PPARGC1A: variants seen among roughly 807,000 people sequenced by gnomAD.
The protein encoded by PPARGC1A is PPARG coactivator 1 alpha.
In PPARGC1A, 25 loss-of-function variants were observed where a neutral mutation model predicts 88.7. The ratio of observed to expected loss-of-function variants is 0.28; its 90% CI spans 0.21 to 0.39. PPARGC1A has a LOEUF of 0.39. Among genes scored for constraint, PPARGC1A ranks in the 10% least tolerant of loss-of-function variants. The pLI, the probability that PPARGC1A is intolerant of heterozygous loss-of-function variation, is 1.00. For synonymous variants in PPARGC1A, 363 were observed against 355.6 expected, an observed-to-expected ratio of 1.02 and a Z score of -0.24; for missense variants, 880 against 968.7, an observed-to-expected ratio of 0.91 and a Z score of 1.22.
At chr4:24,267,958 A>T in the PPARGC1A span, among the ~76,000 whole-genome samples, 1 of 152,198 alleles carries the variant, frequency 6.6e-6, no homozygotes, top group Non-Finnish European at 1.5e-5. Flanking sequence ...TTCTTAGGGG[A>T]TCAACTGTAG....
At chr4:24,081,858 G>A in the PPARGC1A span, among the ~76,000 whole-genome samples, 6 of 151,872 alleles carry the variant, frequency 4.0e-5, no homozygotes, top group East Asian at 3.9e-4. Flanking sequence ...TTTTAATCCC[G>A]GTCTTTTTGT....
At chr4:24,387,659 C>T in the PPARGC1A span, among the ~76,000 whole-genome samples, 1 of 151,282 alleles carries the variant, frequency 6.6e-6, no homozygotes, top group Non-Finnish European at 1.5e-5. Context: ...ATTGCTTGAA[C>T]CCAGGAGGTG....
the PPARGC1A span, among the ~76,000 whole-genome samples, chr4:23,965,222 C>T: frequency 2.0e-5 from 3 of 152,148 alleles, no homozygotes; most frequent in African/African-American, 7.2e-5. Context: ...CTAGAGATCA[C>T]CCATCCATAG....
At chr4:24,185,190 C>CA in the PPARGC1A span, among the ~76,000 whole-genome samples, 3 of 152,140 alleles carry the variant, frequency 2.0e-5, no homozygotes, top group Non-Finnish European at 4.4e-5. Context: ...AAATACCAGA[C>CA]AGTTCCTGAA....
In PPARGC1A at chr4:23,802,397, C is replaced by G. The variant is rs142140409; in HGVS notation, c.2020-52G>C. 93 of 1,609,838 alleles carry G rather than the reference C, an allele frequency of 5.8e-5. No individual in the cohort carries two copies. In the East Asian group the frequency reaches 2.0e-3, roughly 35 times the overall value. On this transcript the variant is annotated intron_variant, in intron 10 of 12. Coordinates refer to ENST00000264867, the MANE Select transcript of PPARGC1A (RefSeq NM_013261.5). ...CTGGAGTGGGAAAAAAGCTAGCCCT[C>G]GGCCGGGCACAGTGGCTCACACCTG...
At chr4:24,240,736 C>A in the PPARGC1A span, among the ~76,000 whole-genome samples, 1 of 152,092 alleles carries the variant, frequency 6.6e-6, no homozygotes, top group Non-Finnish European at 1.5e-5. Flanking sequence ...GTAGTTCTAG[C>A]AGAGGAATGT....
the PPARGC1A span, among the ~76,000 whole-genome samples, chr4:23,957,597 G>C: frequency 1.3e-5 from 2 of 152,006 alleles, no homozygotes; most frequent in Admixed American, 6.6e-5. Flanking sequence ...AATGTTTATT[G>C]AGTGCCTACA....
chr4:23,996,612 A>G, the PPARGC1A span, among the ~76,000 whole-genome samples: 866 of 152,242 alleles, frequency 5.7e-3, 4 homozygotes, highest in Non-Finnish European at 9.7e-3. Context: ...TCTTGAAAAC[A>G]CTTCCTAATG....
chr4:24,265,740 G>A, the PPARGC1A span, among the ~76,000 whole-genome samples: 30 of 152,122 alleles, frequency 2.0e-4, no homozygotes, highest in African/African-American at 7.0e-4. Context: ...AGTGGAAGAG[G>A]TGGTCAAAGA....
At chr4:23,823,377 A>C (rs1382191305) in intron 7 of PPARGC1A, among the ~76,000 whole-genome samples, 1 of 152,018 alleles carries the variant, frequency 6.6e-6, no homozygotes, top group African/African-American at 2.4e-5. Context: ...AGTAAAAAAT[A>C]AGCTTAAGGT....
chr4:24,430,726 G>A, the PPARGC1A span, among the ~76,000 whole-genome samples: 4 of 152,156 alleles, frequency 2.6e-5, no homozygotes, highest in African/African-American at 9.6e-5. Flanking sequence ...GGTGAAAGGG[G>A]AACTGAACTA....
the PPARGC1A span, among the ~76,000 whole-genome samples, chr4:24,201,579 C>T: frequency 1.3e-5 from 2 of 152,244 alleles, no homozygotes; most frequent in African/African-American, 2.4e-5. Context: ...AACACTCACT[C>T]TGTCCCTTCT....
intron 10 of PPARGC1A, among the ~76,000 whole-genome samples, chr4:23,807,774 A>C (rs1324544908): frequency 6.6e-6 from 1 of 151,792 alleles, no homozygotes; most frequent in East Asian, 1.9e-4. Context: ...TGTGTGAATA[A>C]CATGAAATCT....
the PPARGC1A span, among the ~76,000 whole-genome samples, chr4:23,917,337 A>G: frequency 6.6e-6 from 1 of 151,636 alleles, no homozygotes; most frequent in East Asian, 1.9e-4. Context: ...CCTTGCTATT[A>G]GGAACCACAT....
chr4:23,824,366 G>A lies in PPARGC1A; in HGVS notation c.804-13C>T, dbSNP rs763099973. 4.3e-5 allele frequency: 69 copies of A among 1,612,414 alleles called. No individual in the cohort carries two copies. Among genetic ancestry groups the A allele is most frequent in the Non-Finnish European group, 5.6e-5 (66 of 1,178,884 alleles). On this transcript the variant is annotated splice_polypyrimidine_tract_variant and intron_variant, in intron 6 of 12. Coordinates refer to ENST00000264867, the MANE Select transcript of PPARGC1A (RefSeq NM_013261.5). Reference sequence around the variant, plus strand: ...ACCCTTGGGGTCACTGGAAGATATGGCACATTTATAAAAACAAACTGAAAT... The same window carrying A: ...ACCCTTGGGGTCACTGGAAGATATGACACATTTATAAAAACAAACTGAAAT...
chr4:24,330,364 A>C, the PPARGC1A span, among the ~76,000 whole-genome samples: 1 of 152,206 alleles, frequency 6.6e-6, no homozygotes, highest in African/African-American at 2.4e-5. Flanking sequence ...GAATGTAAGA[A>C]GTCTGACTCC....
the PPARGC1A span, chr4:24,091,404 A>C: frequency 3.1e-6 from 3 of 968,890 alleles, no homozygotes; most frequent in South Asian, 1.4e-4. Flanking sequence ...CATATTACCT[A>C]GACTTGGAGC....
intron 7 of PPARGC1A, among the ~76,000 whole-genome samples, chr4:23,815,795 G>T (rs1467007435): frequency 1.3e-5 from 2 of 152,130 alleles, no homozygotes; most frequent in Non-Finnish European, 2.9e-5. Flanking sequence ...TGTTTAGGAG[G>T]CGGGGTGAAT....
the PPARGC1A span, among the ~76,000 whole-genome samples, chr4:24,360,196 T>C: frequency 6.6e-6 from 1 of 152,176 alleles, no homozygotes; most frequent in Non-Finnish European, 1.5e-5. Context: ...TGGGTCTCCC[T>C]ACCACCACCC....
Sources: allele counts gnomAD v4.1 joint callset (sites outside exome capture counted in the v4.1 genomes callset), GRCh38; gene constraint gnomAD v4.1.1; transcripts MANE v1.5; gene names NCBI Gene and HGNC (gene_info 2026-07-23, HGNC 2026-07-21).